The following COL14A1 variants were observed in gnomAD, a reference collection of about 807,000 sequenced individuals.
The protein encoded by COL14A1 is collagen type XIV alpha 1 chain, also known as collagen alpha-1(XIV) chain.
COL14A1 carries 136 observed loss-of-function variants against 230.3 expected under a neutral mutation model. The ratio of observed to expected loss-of-function variants is 0.59; its 90% CI spans 0.51 to 0.68. The LOEUF (loss-of-function observed/expected upper bound fraction) is 0.68, where lower values mean the gene tolerates loss of function less well. Ranked by LOEUF, COL14A1 falls within the 30% of genes least tolerant of loss-of-function variation. The probability of loss-of-function intolerance (pLI) is 0.00; values close to 1 mark genes in which losing one functional copy is unlikely to be tolerated. For synonymous variants in COL14A1, 792 were observed against 784.1 expected (o/e 1.01, Z -0.17); for missense variants, 1,976 against 2,215.8 (o/e 0.89, Z 2.17).
chr8:120,140,993 G>A (rs1001312149), intron 1 of COL14A1, among the ~76,000 whole-genome samples: 3 of 152,264 alleles, frequency 2.0e-5, no homozygotes, highest in African/African-American at 4.8e-5. Context: ...CTAACATGAC[G>A]TTTTTAAACA....
At chr8:120,288,494 T>G (rs1482768310) in intron 33 of COL14A1, among the ~76,000 whole-genome samples, 8 of 152,174 alleles carry the variant, frequency 5.3e-5, no homozygotes, top group African/African-American at 1.7e-4. Context: ...ATTATTTCAT[T>G]GACATTCAAC....
At position 120,330,656 on chromosome 8, in the gene COL14A1, G is replaced by C. The variant is rs181294848; in HGVS notation, c.4660-1485G>C. Among the ~76,000 whole-genome samples the C allele has an allele frequency of 3.9e-3, 596 of 152,236 alleles. 5 individuals are homozygous for C. The highest frequency in any genetic ancestry group is 0.014 in the African/African-American group (573 of 41,546). On this transcript the variant is annotated intron_variant, in intron 40 of 47. Transcript: ENST00000297848. ...GAGCTACAATTTAAGAGAGATTTGG[G>C]TGGGGACACAGCCAAACCATATCAC...
chr8:120,320,887 C>G (rs1821415517), intron 40 of COL14A1, among the ~76,000 whole-genome samples: 1 of 152,194 alleles, frequency 6.6e-6, no homozygotes, highest in African/African-American at 2.4e-5. Flanking sequence ...TTATGATGTT[C>G]TCTAGTCCTC....
At chr8:120,325,337 TA>T (rs1219410400) in intron 40 of COL14A1, among the ~76,000 whole-genome samples, 1 of 152,236 alleles carries the variant, frequency 6.6e-6, no homozygotes, top group East Asian at 1.9e-4. Context: ...TCATGTTATT[TA>T]AAAAAATCCC....
Position 120,196,911 on chromosome 8 carries a change from C to A in COL14A1, c.557C>A (p.Thr186Lys). Residue 186 changes from threonine to lysine, a missense_variant, in exon 6 of 48, where the codon ACA becomes AAA. This residue lies in a region of COL14A1 where 1,791 missense variants were observed against 2,019.5 expected (regional missense o/e 0.89). Transcript: ENST00000297848. ...LVRHFLENLV[T>K]AFDVGSEKTR... ...CGGCATTTCTTGGAAAACCTGGTTA[C>A]AGCATTCGATGTGGGCTCAGAGAAG... 1 of 1,614,034 alleles carries A rather than the reference C, an allele frequency of 6.2e-7. No homozygotes were observed. The highest frequency in any genetic ancestry group is 8.5e-7 in the Non-Finnish European group (1 of 1,179,946).
At chr8:120,152,987 GA>G (rs1367590350) in intron 2 of COL14A1, among the ~76,000 whole-genome samples, 1 of 151,998 alleles carries the variant, frequency 6.6e-6, no homozygotes, top group Non-Finnish European at 1.5e-5. Flanking sequence ...GAAAAGTTGA[GA>G]ATATTTTCCT....
chr8:120,299,859 C>T (rs941860640), intron 35 of COL14A1, among the ~76,000 whole-genome samples: 1 of 152,104 alleles, frequency 6.6e-6, no homozygotes, highest in Admixed American at 6.6e-5. Flanking sequence ...ATTTAACTGT[C>T]ATCTGTGCTC....
chr8:120,294,626 A>G (rs993674013), intron 34 of COL14A1, among the ~76,000 whole-genome samples: 1 of 151,644 alleles, frequency 6.6e-6, no homozygotes, highest in Admixed American at 6.6e-5. Flanking sequence ...TGTCTCCTGT[A>G]TAATTTGCAC....
chr8:120,278,790 T>G (rs770440178), intron 28 of COL14A1, among the ~76,000 whole-genome samples: 1 of 152,142 alleles, frequency 6.6e-6, no homozygotes, highest in Non-Finnish European at 1.5e-5. Flanking sequence ...TCTAACACTT[T>G]TGTTACATAC....
At chr8:120,341,929 G>C (rs1030625671) in intron 43 of COL14A1, among the ~76,000 whole-genome samples, 4 of 152,030 alleles carry the variant, frequency 2.6e-5, no homozygotes, top group Admixed American at 2.0e-4. Flanking sequence ...AGTGGCCTTG[G>C]GCTCATCCAA....
At chr8:120,248,923 T>C (rs916071752) in intron 21 of COL14A1, among the ~76,000 whole-genome samples, 4 of 79,956 alleles carry the variant, frequency 5.0e-5, no homozygotes, top group Non-Finnish European at 8.9e-5. Context: ...CTTTCTTTTT[T>C]TTTTTTTTTT....
intron 5 of COL14A1, among the ~76,000 whole-genome samples, chr8:120,185,418 G>T (rs1270022627): frequency 1.3e-5 from 2 of 152,156 alleles, no homozygotes; most frequent in Admixed American, 6.5e-5. Context: ...GCTTTGGGAG[G>T]CCAGGGTTGC....
chr8:120,186,375 G>A (rs758632767), intron 5 of COL14A1, among the ~76,000 whole-genome samples: 8 of 152,166 alleles, frequency 5.3e-5, no homozygotes, highest in Non-Finnish European at 7.3e-5. Context: ...GTGAAAAATC[G>A]TTCTGTGGCC....
At chr8:120,211,066 C>A (rs915569276) in intron 12 of COL14A1, among the ~76,000 whole-genome samples, 1 of 152,030 alleles carries the variant, frequency 6.6e-6, no homozygotes, top group Admixed American at 6.6e-5. Context: ...GGAAAAGAAT[C>A]GCTCCTGTAA....
chr8:120,276,329 G>GGGT (rs1198841185), intron 26 of COL14A1, among the ~76,000 whole-genome samples: 1 of 150,008 alleles, frequency 6.7e-6, no homozygotes, highest in Non-Finnish European at 1.5e-5. Flanking sequence ...AAGGAACACA[G>GGGT]GGTGGTATAA....
intron 5 of COL14A1, among the ~76,000 whole-genome samples, chr8:120,182,068 A>G (rs530147187): frequency 6.6e-6 from 1 of 152,310 alleles, no homozygotes; most frequent in East Asian, 1.9e-4. Flanking sequence ...CCTTGATAAG[A>G]TAGTTTTGAA....
chr8:120,243,236 CT>C (rs1297321756), intron 19 of COL14A1, among the ~76,000 whole-genome samples: 2 of 152,172 alleles, frequency 1.3e-5, no homozygotes, highest in African/African-American at 4.8e-5. Flanking sequence ...TGCTGCATTT[CT>C]TTTTTGTGGG....
At chr8:120,368,410 A>G (rs1823479338) in intron 46 of COL14A1, among the ~76,000 whole-genome samples, 1 of 152,140 alleles carries the variant, frequency 6.6e-6, no homozygotes, top group Admixed American at 6.6e-5. Context: ...CTGATATAAC[A>G]TTACACATTA....
chr8:120,245,594 G>C (rs1184338442), intron 20 of COL14A1, among the ~76,000 whole-genome samples: 1 of 152,066 alleles, frequency 6.6e-6, no homozygotes, highest in East Asian at 1.9e-4. Context: ...ACAATTGTTT[G>C]GGTCAGGAAA....
Sources: allele counts gnomAD v4.1 joint callset (sites outside exome capture counted in the v4.1 genomes callset), GRCh38; gene constraint gnomAD v4.1.1; regional missense constraint gnomAD v4.1.1; transcripts MANE v1.5; gene names NCBI Gene and HGNC (gene_info 2026-07-23, HGNC 2026-07-21).